AGFG2: variants seen among roughly 807,000 people sequenced by gnomAD.
The protein encoded by AGFG2 is arf-GAP domain and FG repeat-containing protein 2.
A neutral mutation model predicts 48.0 loss-of-function variants in AGFG2; 31 were observed. The observed-to-expected ratio is 0.65, with a 90% CI of 0.49 to 0.87. The LOEUF is 0.87. Among genes scored for constraint, AGFG2 ranks in the 40% least tolerant of loss-of-function variants. AGFG2 has a pLI of 0.00. For missense variants in AGFG2, 599 were observed against 632.6 expected, an observed-to-expected ratio of 0.95 and a Z score of 0.57; for synonymous variants, 229 against 260.8, an observed-to-expected ratio of 0.88 and a Z score of 1.18.
Position 100,567,694 on chromosome 7 carries a change from C to T in AGFG2, c.*2703C>T, listed in dbSNP as rs562442616. The T allele has an allele frequency of 3.9e-5, 6 of 152,446 alleles. No homozygotes were observed. Among genetic ancestry groups the T allele is most frequent in the South Asian group, 4.1e-4 (2 of 4,830 alleles). The allele number at this position is 152,446 out of a possible 1,614,324, so 9.4% of individuals were successfully genotyped here. ...CGCTGGAACAGCCTAGTCTCCTCCC[C>T]GTGGATTCCCCCAAACCCATAACAT... is the stretch of plus-strand genomic sequence containing the variant. On this transcript the variant is annotated 3_prime_UTR_variant, in exon 12 of 12. Coordinates refer to ENST00000300176, the MANE Select transcript of AGFG2 (RefSeq NM_006076.5).
In AGFG2 at chr7:100,562,911, C is replaced by T; in HGVS notation, c.1136C>T (p.Ser379Phe). The T allele has an allele frequency of 1.2e-6, 2 of 1,614,168 alleles. No individual in the cohort carries two copies. The highest frequency in any genetic ancestry group is 1.7e-6 in the Non-Finnish European group (2 of 1,180,012). The change falls in exon 9 of 12, where the codon TCC (serine) becomes TTC (phenylalanine). Residue 379 changes from serine to phenylalanine, a missense_variant. Ser to Phe is a radical substitution (Grantham distance 155, BLOSUM62 -2). Coordinates refer to ENST00000300176, the MANE Select transcript of AGFG2 (RefSeq NM_006076.5). This position sits in a 1 kb window ranked among gnomAD's most constrained non-coding sequence, Gnocchi z 5.4. ...CCCGCCGCCCAGTCCCCGCTGCCTT[C>T]CACCAACCCGTTCCAGCCCAATGGC... ...TAPAAQSPLP[S>F]TNPFQPNGLA...
chr7:100,543,068 T>A (rs1800451227), intron 1 of AGFG2, among the ~76,000 whole-genome samples: 1 of 150,960 alleles, frequency 6.6e-6, no homozygotes, highest in African/African-American at 2.4e-5. Flanking sequence ...ATATTATTAT[T>A]AATTTTTTTT....
At chr7:100,550,532 T>G in intron 3 of AGFG2, 21 bp downstream of exon 3, 1 of 1,566,934 alleles carries the variant, frequency 6.4e-7, no homozygotes, top group Non-Finnish European at 8.8e-7. Flanking sequence ...GGAAAGAGGT[T>G]GCTATGGAAA....
At chr7:100,543,088 G>T (rs1219204509) in intron 1 of AGFG2, among the ~76,000 whole-genome samples, 2 of 151,828 alleles carry the variant, frequency 1.3e-5, no homozygotes, top group Admixed American at 6.6e-5. Flanking sequence ...TTTTGAGATG[G>T]AGTCTCGCTC....
chr7:100,555,817 C>G, intron 6 of AGFG2, 82 bp downstream of exon 6: 1 of 1,562,168 alleles, frequency 6.4e-7, no homozygotes, highest in Non-Finnish European at 8.7e-7. Context: ...CATATCCTCA[C>G]TATCCTAAAG....
intron 5 of AGFG2, among the ~76,000 whole-genome samples, chr7:100,555,101 TG>T (rs1477437288): frequency 6.6e-6 from 1 of 152,070 alleles, no homozygotes; most frequent in Admixed American, 6.6e-5. Context: ...TTCCCCTGTG[TG>T]GGTCTGGCTC....
intron 3 of AGFG2, among the ~76,000 whole-genome samples, chr7:100,552,081 C>T (rs1800659248): frequency 6.6e-6 from 1 of 151,146 alleles, no homozygotes; most frequent in South Asian, 2.1e-4. Flanking sequence ...CCCGTCTCTA[C>T]TAAAAATACA....
intron 6 of AGFG2, chr7:100,556,483 C>A (rs1800760864): frequency 5.5e-6 from 5 of 903,236 alleles, no homozygotes; most frequent in African/African-American, 1.7e-5. Context: ...CATGGGAGGG[C>A]AGCTGCAGTG....
intron 3 of AGFG2, among the ~76,000 whole-genome samples, chr7:100,551,072 T>C (rs1156615472): frequency 1.1e-4 from 8 of 74,478 alleles, no homozygotes; most frequent in Middle Eastern, 6.8e-3. Context: ...ATATATTTCT[T>C]TTTTTTTTTT....
At chr7:100,547,317 A>AT (rs1800531488) in intron 1 of AGFG2, among the ~76,000 whole-genome samples, 2 of 151,560 alleles carry the variant, frequency 1.3e-5, no homozygotes, top group African/African-American at 4.9e-5. Flanking sequence ...TCTGTTAAAT[A>AT]TTTTTGTCTC....
At chr7:100,554,937 CAAAAAAA>C (rs749887106) in intron 5 of AGFG2, among the ~76,000 whole-genome samples, 147 of 57,566 alleles carry the variant, frequency 2.6e-3, no homozygotes, top group African/African-American at 8.4e-3. Flanking sequence ...GACTCCGTCT[CAAAAAAA>C]AAAAAAAAAA....
rs766452033 is a variant in AGFG2, at chr7:100,562,672, G to A, written c.1077G>A (p.Leu359=). The change falls in exon 8 of 12, where the codon CTG becomes CTA. Residue 359 remains leucine (L), a synonymous_variant. Coordinates refer to ENST00000300176, the MANE Select transcript of AGFG2 (RefSeq NM_006076.5). The surrounding 1 kb of genome is among the most constrained non-coding windows in gnomAD (Gnocchi z 5.4). ...MGGGGGSSTG[L]AFGAFTNPFT... Reference sequence around the variant, plus strand: ...GCGGCGGCGGCAGCAGCACAGGGCTGGCCTTTGGAGGTGAGTCCTGCCTGT... The same window carrying A: ...GCGGCGGCGGCAGCAGCACAGGGCTAGCCTTTGGAGGTGAGTCCTGCCTGT... 3 of 1,607,378 alleles carry A rather than the reference G, an allele frequency of 1.9e-6. No homozygotes were observed. Among genetic ancestry groups the A allele is most frequent in the African/African-American group, 2.7e-5 (2 of 74,912 alleles).
chr7:100,550,894 T>C (rs990180888), intron 3 of AGFG2, among the ~76,000 whole-genome samples: 3 of 148,042 alleles, frequency 2.0e-5, no homozygotes, highest in Non-Finnish European at 3.0e-5. Flanking sequence ...AAGGTCTCAC[T>C]CTGTTGCCCA....
At chr7:100,545,770 T>C (rs1800499066) in intron 1 of AGFG2, among the ~76,000 whole-genome samples, 2 of 152,208 alleles carry the variant, frequency 1.3e-5, no homozygotes, top group African/African-American at 4.8e-5. Context: ...GACTCACATC[T>C]GGTCCGCTGC....
Position 100,553,436 on chromosome 7 carries a change from C to A in AGFG2, c.521C>A (p.Pro174His). Residue 174 changes from proline to histidine, a missense_variant, in exon 4 of 12, where the codon CCC becomes CAC. Transcript: ENST00000300176. ...CAGGGCTCCATCCCAGAAGGGAAGC[C>A]CCTTCGGACACTTCTGGGTGATCCT... ...PVQGSIPEGKPLRTLLGDPAP... is the reference protein window; with the variant it reads ...PVQGSIPEGKHLRTLLGDPAP... 6.2e-7 allele frequency: 1 copy of A among 1,614,166 alleles called. No homozygotes were observed. The highest frequency in any genetic ancestry group is 8.5e-7 in the Non-Finnish European group (1 of 1,180,012).
At chr7:100,555,262 G>GTTTTTTT (rs1462102629) in intron 5 of AGFG2, among the ~76,000 whole-genome samples, 1 of 127,884 alleles carries the variant, frequency 7.8e-6, no homozygotes. Flanking sequence ...GTGTGTGTGT[G>GTTTTTTT]GTTTTTTTTT....
At chr7:100,555,548 C>T in intron 5 of AGFG2, 62 bp from the exon 6 acceptor site, 4 of 1,563,866 alleles carry the variant, frequency 2.6e-6, no homozygotes, top group Non-Finnish European at 3.5e-6. Context: ...GCTGGAATTA[C>T]AGGCGTGAGC....
At chr7:100,544,008 G>A (rs1800469052) in intron 1 of AGFG2, among the ~76,000 whole-genome samples, 1 of 152,164 alleles carries the variant, frequency 6.6e-6, no homozygotes, top group Non-Finnish European at 1.5e-5. Context: ...TTAAGACGTG[G>A]TAAAAATTGC....
intron 6 of AGFG2, among the ~76,000 whole-genome samples, chr7:100,559,184 G>A (rs1314584784): frequency 6.6e-6 from 1 of 152,092 alleles, no homozygotes; most frequent in Non-Finnish European, 1.5e-5. Flanking sequence ...GAACATTTCC[G>A]AGGATCCTGC....
Sources: gnomAD v4.1 joint callset for allele counts (sites outside exome capture counted in the v4.1 genomes callset) on GRCh38, gnomAD v4.1.1 for gene constraint, Gnocchi (gnomAD v3.1) non-coding constraint, MANE v1.5 for transcripts, NCBI Gene and HGNC (gene_info 2026-07-23, HGNC 2026-07-21) for gene names.